NKAIN3: variants seen among roughly 807,000 people sequenced by gnomAD.
NKAIN3 encodes sodium/potassium transporting ATPase interacting 3.
NKAIN3 carries 25 observed loss-of-function variants against 30.2 expected under a neutral mutation model. The ratio of observed to expected loss-of-function variants is 0.83; its 90% confidence interval spans 0.60 to 1.16. The LOEUF (loss-of-function observed/expected upper bound fraction) is 1.16. NKAIN3 is among the 50% of genes most tolerant of loss of function. The pLI is 0.00. For synonymous variants in NKAIN3, 91 were observed against 89.6 expected (o/e 1.02, Z -0.09); for missense variants, 225 against 254.1 (o/e 0.89, Z 0.78).
chr8:62,805,222 C>T (rs1442695147), intron 4 of NKAIN3, among the ~76,000 whole-genome samples: 4 of 151,860 alleles, frequency 2.6e-5, no homozygotes, highest in South Asian at 2.1e-4. Flanking sequence ...AATGGCCATA[C>T]TGCCCAAGGT....
At chr8:62,512,166 G>C (rs1807833459) in intron 1 of NKAIN3, among the ~76,000 whole-genome samples, 1 of 152,132 alleles carries the variant, frequency 6.6e-6, no homozygotes, top group Non-Finnish European at 1.5e-5. Flanking sequence ...GGACCTTGAA[G>C]AGTTTTTATC....
intron 1 of NKAIN3, among the ~76,000 whole-genome samples, chr8:62,441,949 T>A (rs1223707774): frequency 6.6e-6 from 1 of 152,092 alleles, no homozygotes; most frequent in Admixed American, 6.6e-5. Context: ...AGACTGAATT[T>A]CATCCCCCTT....
In NKAIN3 at chr8:62,980,128, CACATG is replaced by C. The variant is rs1451169077; in HGVS notation, c.*14722_*14726del. Reference sequence around the variant, plus strand: ...TTTACTCTTGGTTTAAATGTAATCCCACATGCCCTAGACAAGCCTCCTGATGATTT... The same window carrying C: ...TTTACTCTTGGTTTAAATGTAATCCCCCCTAGACAAGCCTCCTGATGATTT... On this transcript the variant is annotated 3_prime_UTR_variant, in exon 7 of 7. Transcript: ENST00000623646. 1 of 152,160 alleles carries C rather than the reference CACATG, an allele frequency of 6.6e-6. No homozygotes were observed. The highest frequency in any genetic ancestry group is 1.9e-4 in the East Asian group (1 of 5,200). 9.4% of individuals were successfully genotyped at this position (152,160 alleles called of 1,614,324 possible). A position where few individuals can be genotyped will look rare whatever the true frequency, so the allele number is the denominator to read the frequency against.
chr8:62,273,238 A>C (rs927498141), intron 1 of NKAIN3, among the ~76,000 whole-genome samples: 2 of 152,210 alleles, frequency 1.3e-5, no homozygotes, highest in Non-Finnish European at 2.9e-5. Flanking sequence ...ATTTCAGCCA[A>C]TCATTCCAAC....
At position 62,268,312 on chromosome 8, in the gene NKAIN3, A is replaced by T. The variant is rs76083714; in HGVS notation, c.54+19185A>T. On this transcript the variant is annotated intron_variant, in intron 1 of 6. Transcript: ENST00000623646. ...TTGTCTGGAGAGAAAGACTGTCCAT[A>T]TCTAGAAGACTGTTCATACTTCTTT... Among the ~76,000 whole-genome samples the T allele has an allele frequency of 2.7e-3, 416 of 152,288 alleles. 2 individuals carry two copies. The highest frequency in any genetic ancestry group is 9.6e-3 in the African/African-American group (401 of 41,560).
intron 3 of NKAIN3, among the ~76,000 whole-genome samples, chr8:62,610,556 T>C (rs1157818167): frequency 6.6e-6 from 1 of 152,112 alleles, no homozygotes; most frequent in Non-Finnish European, 1.5e-5. Context: ...CTCAAAGTTT[T>C]CTTACCAGTA....
chr8:62,784,568 G>A (rs1417242388), intron 4 of NKAIN3, among the ~76,000 whole-genome samples: 1 of 151,872 alleles, frequency 6.6e-6, no homozygotes, highest in East Asian at 1.9e-4. Context: ...GACTCAAGCA[G>A]AAGTATAAAT....
chr8:62,923,495 A>G (rs192223901), intron 5 of NKAIN3, among the ~76,000 whole-genome samples: 154 of 152,330 alleles, frequency 1.0e-3, no homozygotes, highest in Non-Finnish European at 1.9e-3. Flanking sequence ...GCAAATGTTT[A>G]TGTGAGGCAA....
chr8:62,430,384 T>TGTGA (rs1374187361), intron 1 of NKAIN3, among the ~76,000 whole-genome samples: 1 of 150,914 alleles, frequency 6.6e-6, no homozygotes, highest in Non-Finnish European at 1.5e-5. Context: ...TGTGTGTGTG[T>TGTGA]GTGTGTGTGT....
intron 5 of NKAIN3, among the ~76,000 whole-genome samples, chr8:62,938,787 C>G (rs1822862568): frequency 1.3e-5 from 2 of 152,186 alleles, no homozygotes; most frequent in African/African-American, 4.8e-5. Flanking sequence ...CTGACATAGT[C>G]TACCCAAATG....
At chr8:62,363,835 T>G (rs1816639163) in intron 1 of NKAIN3, among the ~76,000 whole-genome samples, 1 of 129,128 alleles carries the variant, frequency 7.7e-6, no homozygotes, top group Non-Finnish European at 1.6e-5. Context: ...CTAGCTCTAT[T>G]TGAAAGAAAA....
intron 1 of NKAIN3, among the ~76,000 whole-genome samples, chr8:62,287,138 TG>T (rs1310323625): frequency 6.6e-6 from 1 of 150,794 alleles, no homozygotes; most frequent in Non-Finnish European, 1.5e-5. Context: ...ATGCCCCTCT[TG>T]TCTGAGACAT....
chr8:62,420,313 T>G (rs906218847), intron 1 of NKAIN3, among the ~76,000 whole-genome samples: 1 of 152,232 alleles, frequency 6.6e-6, no homozygotes, highest in African/African-American at 2.4e-5. Flanking sequence ...CTATTCTCAC[T>G]TAAACTCATG....
chr8:62,430,197 C>T (rs1422459856), intron 1 of NKAIN3, among the ~76,000 whole-genome samples: 2 of 151,816 alleles, frequency 1.3e-5, no homozygotes, highest in Non-Finnish European at 2.9e-5. Context: ...CCTTTTAAGG[C>T]TGAATAATAT....
intron 4 of NKAIN3, among the ~76,000 whole-genome samples, chr8:62,904,424 A>G (rs1685111946): frequency 6.6e-6 from 1 of 152,204 alleles, no homozygotes; most frequent in South Asian, 2.1e-4. Flanking sequence ...CCACATGTTT[A>G]TACTTCATCC....
Position 62,976,970 on chromosome 8 carries a change from G to A in NKAIN3, c.*11563G>A, listed in dbSNP as rs1823956632. Among the ~76,000 whole-genome samples, 1 of 152,136 alleles carries A rather than the reference G, an allele frequency of 6.6e-6. No individual in the cohort carries two copies. The highest frequency in any genetic ancestry group is 1.5e-5 in the Non-Finnish European group (1 of 68,012). ...TCAGTTTGGCTGGATATGAAATTCTGGGTTGAAAATTCTTTTCTTTAAGAA... is the reference window on the plus strand; with the variant it reads ...TCAGTTTGGCTGGATATGAAATTCTAGGTTGAAAATTCTTTTCTTTAAGAA... On this transcript the variant is annotated 3_prime_UTR_variant, in exon 7 of 7. Coordinates refer to ENST00000623646, the MANE Select transcript of NKAIN3 (RefSeq NM_001304533.3).
intron 4 of NKAIN3, among the ~76,000 whole-genome samples, chr8:62,847,019 T>C (rs1009623567): frequency 2.0e-5 from 3 of 152,140 alleles, no homozygotes; most frequent in Non-Finnish European, 4.4e-5. Flanking sequence ...TCTCCATCTG[T>C]CCCTGCCCTT....
intron 5 of NKAIN3, among the ~76,000 whole-genome samples, chr8:62,945,233 G>A (rs1195856051): frequency 6.6e-6 from 1 of 152,110 alleles, no homozygotes; most frequent in African/African-American, 2.4e-5. Flanking sequence ...AAGCAGGGAA[G>A]GAGATAGAAC....
At chr8:62,322,880 G>A (rs139248083) in intron 1 of NKAIN3, among the ~76,000 whole-genome samples, 210 of 152,296 alleles carry the variant, frequency 1.4e-3, no homozygotes, top group African/African-American at 4.8e-3. Flanking sequence ...TCTCACCAGA[G>A]AAGATGCACA....
Sources: gnomAD v4.1 joint callset for allele counts (sites outside exome capture counted in the v4.1 genomes callset) on GRCh38, gnomAD v4.1.1 for gene constraint, MANE v1.5 for transcripts, NCBI Gene and HGNC (gene_info 2026-07-23, HGNC 2026-07-21) for gene names.